The following PKHD1 variants were observed in gnomAD, a reference collection of about 807,000 sequenced individuals.
The protein encoded by PKHD1 is fibrocystin.
A neutral mutation model predicts 412.0 loss-of-function variants in PKHD1; 291 were observed. That is an observed-to-expected ratio of 0.71 (90% CI 0.64 to 0.78). The LOEUF is 0.78. PKHD1 is among the 30% of genes least tolerant of loss of function. The probability of loss-of-function intolerance (pLI) is 0.00; values close to 1 mark genes in which losing one functional copy is unlikely to be tolerated. For synonymous variants in PKHD1, 1,777 were observed against 1,821.5 expected, an observed-to-expected ratio of 0.98 and a Z score of 0.62; for missense variants, 4,825 against 4,950.7, an observed-to-expected ratio of 0.97 and a Z score of 0.76.
intron 36 of PKHD1, among the ~76,000 whole-genome samples, chr6:51,952,065 C>T (rs1289271798): frequency 6.6e-6 from 1 of 152,194 alleles, no homozygotes; most frequent in African/African-American, 2.4e-5. Flanking sequence ...TAATATCTAT[C>T]TATCTGTCTG....
intron 29 of PKHD1, 65 bp downstream of exon 29, chr6:52,032,965 G>T: frequency 7.2e-7 from 1 of 1,380,908 alleles, no homozygotes; most frequent in Non-Finnish European, 1.0e-6. Flanking sequence ...AGAGGACATT[G>T]ATTGCCCTTT....
chr6:51,874,226 C>T (rs865890159), intron 46 of PKHD1, among the ~76,000 whole-genome samples: 27 of 152,276 alleles, frequency 1.8e-4, no homozygotes, highest in African/African-American at 6.5e-4. Context: ...CGAAGACAGC[C>T]ATCCTACAGA....
intron 60 of PKHD1, among the ~76,000 whole-genome samples, chr6:51,739,222 T>A (rs1472554840): frequency 6.6e-6 from 1 of 150,424 alleles, no homozygotes; most frequent in Non-Finnish European, 1.5e-5. Context: ...GTACATGTAT[T>A]ATATATATAA....
chr6:52,046,834 G>T (rs1456519257), intron 23 of PKHD1, among the ~76,000 whole-genome samples: 1 of 152,176 alleles, frequency 6.6e-6, no homozygotes, highest in Non-Finnish European at 1.5e-5. Context: ...GTGGGTCATT[G>T]GGTATCCTAA....
chr6:51,932,606 C>T (rs754529416), intron 37 of PKHD1, among the ~76,000 whole-genome samples: 10 of 152,176 alleles, frequency 6.6e-5, no homozygotes, highest in Admixed American at 2.6e-4. Context: ...CCATGGCTGA[C>T]GTGGGAATAG....
intron 59 of PKHD1, among the ~76,000 whole-genome samples, chr6:51,745,610 G>A (rs534603634): frequency 2.0e-5 from 3 of 152,190 alleles, no homozygotes; most frequent in South Asian, 2.1e-4. Flanking sequence ...AGGCTGAGGC[G>A]GGAGGATCAC....
Position 51,667,084 on chromosome 6 carries a change from G to A in PKHD1, c.10157-7115C>T, listed in dbSNP as rs916979263. Among the ~76,000 whole-genome samples the A allele has an allele frequency of 3.0e-3, 451 of 148,112 alleles. 2 individuals are homozygous for A. Among genetic ancestry groups the A allele is most frequent in the African/African-American group, 0.011 (435 of 39,838 alleles). The stretch of plus-strand genomic sequence containing the variant: ...CAGTAATGGGATGGCTGGGTCAAAT[G>A]GTATTTCTAGTTCTAGATCCCTGAG... On this transcript the variant is annotated intron_variant, in intron 60 of 66. Coordinates refer to ENST00000371117, the MANE Select transcript of PKHD1 (RefSeq NM_138694.4).
intron 35 of PKHD1, among the ~76,000 whole-genome samples, chr6:51,971,231 C>T (rs1182640535): frequency 2.0e-5 from 3 of 152,130 alleles, no homozygotes; most frequent in African/African-American, 7.2e-5. Flanking sequence ...TTGTTTTAGG[C>T]CACTAAGATG....
intron 43 of PKHD1, 124 bp downstream of exon 43, chr6:51,903,473 T>C: frequency 1.2e-6 from 1 of 809,450 alleles, no homozygotes; most frequent in Non-Finnish European, 2.1e-6. Flanking sequence ...TGTGACCCAA[T>C]TCTTCCAATG....
intron 11 of PKHD1, among the ~76,000 whole-genome samples, chr6:52,069,256 A>G (rs573418659): frequency 6.9e-4 from 105 of 152,320 alleles, no homozygotes; most frequent in African/African-American, 2.5e-3. Context: ...GAAGTTTATT[A>G]TCAAGTCTCT....
At chr6:52,022,980 G>A in intron 32 of PKHD1, 36 bp from the exon 33 acceptor site, 1 of 1,612,610 alleles carries the variant, frequency 6.2e-7, no homozygotes, top group Non-Finnish European at 8.5e-7. Context: ...TGATCATACA[G>A]GCAAATCTCC....
At chr6:52,016,368 G>C (rs1800529636) in intron 34 of PKHD1, among the ~76,000 whole-genome samples, 1 of 152,134 alleles carries the variant, frequency 6.6e-6, no homozygotes, top group African/African-American at 2.4e-5. Flanking sequence ...GGGCACGGTG[G>C]CTCATGCCTA....
At chr6:51,731,228 AG>A (rs1273255223) in intron 60 of PKHD1, among the ~76,000 whole-genome samples, 1 of 152,238 alleles carries the variant, frequency 6.6e-6, no homozygotes, top group African/African-American at 2.4e-5. Context: ...GGAAAAAAAG[AG>A]AAAAAAGAAA....
At chr6:51,720,645 T>A (rs939133234) in intron 60 of PKHD1, among the ~76,000 whole-genome samples, 1 of 152,154 alleles carries the variant, frequency 6.6e-6, no homozygotes, top group African/African-American at 2.4e-5. Context: ...GATGCACTTA[T>A]AGCACTCCTA....
chr6:51,887,830 T>C (rs1036522808), intron 43 of PKHD1, among the ~76,000 whole-genome samples: 10 of 152,224 alleles, frequency 6.6e-5, no homozygotes, highest in South Asian at 2.1e-4. Context: ...TTTATAGCAA[T>C]GCGAGAATGA....
chr6:51,639,497 T>C (rs1405880133), intron 63 of PKHD1, among the ~76,000 whole-genome samples: 4 of 152,094 alleles, frequency 2.6e-5, no homozygotes, highest in African/African-American at 9.7e-5. Context: ...ATCAGGACCA[T>C]GGCAATCTAC....
intron 35 of PKHD1, among the ~76,000 whole-genome samples, chr6:52,008,620 AAAAT>A (rs1799391851): frequency 6.6e-6 from 1 of 152,210 alleles, no homozygotes; most frequent in South Asian, 2.1e-4. Flanking sequence ...GCACTATAGA[AAAAT>A]AAATTCATAT....
chr6:52,079,821 C>G, intron 5 of PKHD1, 79 bp downstream of exon 5: 1 of 827,950 alleles, frequency 1.2e-6, no homozygotes, highest in Non-Finnish European at 2.2e-6. Flanking sequence ...CACGCTGGCT[C>G]ATTTACAATT....
At chr6:51,773,393 A>G (rs1051722191) in intron 54 of PKHD1, among the ~76,000 whole-genome samples, 3 of 151,806 alleles carry the variant, frequency 2.0e-5, no homozygotes, top group Non-Finnish European at 2.9e-5. Context: ...CTTTCTTCCT[A>G]TATGTTTTAT....
Sources: allele counts gnomAD v4.1 joint callset (sites outside exome capture counted in the v4.1 genomes callset), GRCh38; gene constraint gnomAD v4.1.1; transcripts MANE v1.5; gene names NCBI Gene and HGNC (gene_info 2026-07-23, HGNC 2026-07-21).